The following TENM4 variants were observed in gnomAD, a reference collection of about 807,000 sequenced individuals.
TENM4 encodes the protein teneurin-4.
In TENM4, 82 loss-of-function variants were observed where a neutral mutation model predicts 243.3. That is an observed-to-expected ratio of 0.34 (90% CI 0.28 to 0.40). TENM4 has a LOEUF of 0.40. TENM4 is among the 10% of genes least tolerant of loss of function. The pLI is 1.00. For missense variants in TENM4, 3,138 were observed against 3,673.3 expected, an observed-to-expected ratio of 0.85 and a Z score of 3.77; for synonymous variants, 1,412 against 1,456.3, an observed-to-expected ratio of 0.97 and a Z score of 0.69.
At chr11:79,142,706 G>A (rs1371429844) in intron 4 of TENM4, among the ~76,000 whole-genome samples, 4 of 152,038 alleles carry the variant, frequency 2.6e-5, no homozygotes, top group African/African-American at 9.7e-5. Flanking sequence ...CACATCTAGA[G>A]GAATCACATT....
chr11:78,722,584 G>C, intron 24 of TENM4, 84 bp downstream of exon 24: 3 of 1,533,366 alleles, frequency 2.0e-6, no homozygotes, highest in Non-Finnish European at 2.6e-6. Flanking sequence ...CCACTTCCCT[G>C]GGCTCAGCAG....
intron 2 of TENM4, among the ~76,000 whole-genome samples, chr11:79,284,011 T>C (rs1243878221): frequency 6.6e-6 from 1 of 152,168 alleles, no homozygotes; most frequent in East Asian, 1.9e-4. Context: ...AGTGAAAGAC[T>C]TGTATACTAA....
At chr11:78,844,463 GA>G (rs1245502004) in intron 12 of TENM4, among the ~76,000 whole-genome samples, 1 of 152,152 alleles carries the variant, frequency 6.6e-6, no homozygotes, top group Non-Finnish European at 1.5e-5. Context: ...CCAACATGGT[GA>G]AACCCCGTCT....
chr11:79,263,383 G>A (rs879039525), intron 2 of TENM4, among the ~76,000 whole-genome samples: 1 of 152,192 alleles, frequency 6.6e-6, no homozygotes, highest in Non-Finnish European at 1.5e-5. Flanking sequence ...AAATGGCACC[G>A]CAAACATGGT....
At chr11:79,240,573 G>T (rs1864570799) in intron 2 of TENM4, among the ~76,000 whole-genome samples, 1 of 151,990 alleles carries the variant, frequency 6.6e-6, no homozygotes, top group Non-Finnish European at 1.5e-5. Flanking sequence ...ATGGTAAACT[G>T]GTTTACCATT....
intron 6 of TENM4, among the ~76,000 whole-genome samples, chr11:78,973,429 G>T (rs1337564898): frequency 6.6e-6 from 1 of 152,212 alleles, no homozygotes; most frequent in African/African-American, 2.4e-5. Context: ...AATGGCAAAT[G>T]ATGCTTGGCA....
intron 1 of TENM4, among the ~76,000 whole-genome samples, chr11:79,317,451 A>G (rs1258607884): frequency 6.6e-6 from 1 of 152,042 alleles, no homozygotes; most frequent in African/African-American, 2.4e-5. Context: ...GTTCCTCGGA[A>G]CCCTAAGTTA....
intron 3 of TENM4, among the ~76,000 whole-genome samples, chr11:79,159,248 C>T (rs1025513206): frequency 1.3e-5 from 2 of 152,136 alleles, no homozygotes; most frequent in Non-Finnish European, 2.9e-5. Context: ...TTATCTTAGT[C>T]TACCCGGACT....
chr11:79,101,015 G>A (rs532782897), intron 4 of TENM4, among the ~76,000 whole-genome samples: 59 of 152,194 alleles, frequency 3.9e-4, no homozygotes, highest in South Asian at 1.2e-3. Context: ...CTCTGGGGGA[G>A]GGTTGCAAAG....
intron 6 of TENM4, among the ~76,000 whole-genome samples, chr11:78,997,009 C>A (rs1217919310): frequency 6.6e-6 from 1 of 152,104 alleles, no homozygotes; most frequent in Admixed American, 6.5e-5. Context: ...CAAGGGGGGA[C>A]CTTCAAGTAA....
chr11:78,837,867 T>C (rs1858153449), intron 12 of TENM4, among the ~76,000 whole-genome samples: 1 of 152,228 alleles, frequency 6.6e-6, no homozygotes, highest in African/African-American at 2.4e-5. Flanking sequence ...TAATTAGACA[T>C]TTGGATTGTT....
intron 2 of TENM4, among the ~76,000 whole-genome samples, chr11:79,268,275 C>T (rs1207197265): frequency 2.6e-5 from 4 of 152,142 alleles, no homozygotes; most frequent in African/African-American, 4.8e-5. Context: ...GCCATTGTAG[C>T]TCAAAAGCAG....
At chr11:79,352,634 C>T (rs72935018) in intron 1 of TENM4, among the ~76,000 whole-genome samples, 11,384 of 152,216 alleles carry the variant, frequency 0.075, 582 homozygotes, top group Non-Finnish European at 0.11. Context: ...CCTGGGCAGG[C>T]GAGAGAGGCA....
chr11:78,992,451 G>A (rs1858069711), intron 6 of TENM4, among the ~76,000 whole-genome samples: 1 of 152,138 alleles, frequency 6.6e-6, no homozygotes, highest in African/African-American at 2.4e-5. Flanking sequence ...ATTACACTGT[G>A]CATTGCTTTA....
intron 6 of TENM4, among the ~76,000 whole-genome samples, chr11:78,980,668 C>T (rs975116725): frequency 6.6e-6 from 1 of 152,174 alleles, no homozygotes; most frequent in African/African-American, 2.4e-5. Context: ...CCTCGCTCCA[C>T]CACTTAGTAG....
At chr11:79,275,677 C>A (rs1184971168) in intron 2 of TENM4, among the ~76,000 whole-genome samples, 1 of 152,204 alleles carries the variant, frequency 6.6e-6, no homozygotes. Flanking sequence ...TGACATGATG[C>A]TAGAAAACAG....
At chr11:79,366,876 A>G (rs1290634982) in intron 1 of TENM4, among the ~76,000 whole-genome samples, 2 of 152,228 alleles carry the variant, frequency 1.3e-5, no homozygotes, top group Non-Finnish European at 2.9e-5. Flanking sequence ...AAAAGTTCCT[A>G]TCATTCATTT....
chr11:79,341,451 T>C (rs1341803227), intron 1 of TENM4, among the ~76,000 whole-genome samples: 1 of 152,206 alleles, frequency 6.6e-6, no homozygotes, highest in Non-Finnish European at 1.5e-5. Context: ...GGGCAGGTAC[T>C]AGATCCCCAG....
intron 1 of TENM4, among the ~76,000 whole-genome samples, chr11:79,425,108 G>A (rs1471387171): frequency 6.6e-6 from 1 of 152,116 alleles, no homozygotes; most frequent in African/African-American, 2.4e-5. Context: ...CTGCTTTTCT[G>A]TCTTGAATCA....
Sources: gnomAD v4.1 joint callset for allele counts (sites outside exome capture counted in the v4.1 genomes callset) on GRCh38, gnomAD v4.1.1 for gene constraint, MANE v1.5 for transcripts, NCBI Gene and HGNC (gene_info 2026-07-23, HGNC 2026-07-21) for gene names.